NR5A2: variants seen among roughly 807,000 people sequenced by gnomAD.
NR5A2 encodes the protein CYP7A promoter-binding factor.
In NR5A2, 26 loss-of-function variants were observed where a neutral mutation model predicts 62.7. That is an observed-to-expected ratio of 0.41 (90% CI 0.30 to 0.58). NR5A2 has a LOEUF of 0.58. Ranked by LOEUF, NR5A2 falls within the 20% of genes least tolerant of loss-of-function variation. The pLI is 0.22. For missense variants in NR5A2, 541 were observed against 669.1 expected (o/e 0.81, Z 2.11); for synonymous variants, 246 against 241.7 (o/e 1.02, Z -0.16).
intron 5 of NR5A2, among the ~76,000 whole-genome samples, chr1:200,103,764 C>T (rs1233517100): frequency 1.3e-5 from 2 of 152,166 alleles, no homozygotes; most frequent in African/African-American, 2.4e-5. Flanking sequence ...AATCTATTCC[C>T]AGCATATACT....
chr1:200,162,540 G>T (rs1341321872), intron 7 of NR5A2, among the ~76,000 whole-genome samples: 1 of 152,112 alleles, frequency 6.6e-6, no homozygotes, highest in Non-Finnish European at 1.5e-5. Context: ...GGACATAATT[G>T]GATTCACATT....
At chr1:200,142,351 C>T (rs1186295156) in intron 7 of NR5A2, among the ~76,000 whole-genome samples, 1 of 151,570 alleles carries the variant, frequency 6.6e-6, no homozygotes, top group Non-Finnish European at 1.5e-5. Flanking sequence ...AGGTGCCTGC[C>T]ACCACGCCCG....
intron 5 of NR5A2, among the ~76,000 whole-genome samples, chr1:200,077,588 C>T (rs1664099166): frequency 6.6e-6 from 1 of 152,106 alleles, no homozygotes; most frequent in Admixed American, 6.5e-5. Flanking sequence ...GTGGTGGGTG[C>T]CTGTAATCCC....
chr1:200,088,353 G>A (rs538821310), intron 5 of NR5A2, among the ~76,000 whole-genome samples: 3 of 152,202 alleles, frequency 2.0e-5, no homozygotes, highest in African/African-American at 7.2e-5. Context: ...CACCTCCCGG[G>A]TTCAAGTGAT....
intron 7 of NR5A2, among the ~76,000 whole-genome samples, chr1:200,126,030 T>C (rs1233534536): frequency 6.6e-6 from 1 of 152,118 alleles, no homozygotes; most frequent in Non-Finnish European, 1.5e-5. Context: ...AATTTTTTTA[T>C]AGAGACAGGG....
At chr1:200,054,895 A>G (rs1287959517) in intron 5 of NR5A2, among the ~76,000 whole-genome samples, 1 of 151,732 alleles carries the variant, frequency 6.6e-6, no homozygotes, top group African/African-American at 2.4e-5. Context: ...AAATTTACTT[A>G]GTCCTACTTT....
intron 5 of NR5A2, among the ~76,000 whole-genome samples, chr1:200,074,620 C>A (rs1203391651): frequency 6.6e-6 from 1 of 150,404 alleles, no homozygotes; most frequent in Admixed American, 6.6e-5. Context: ...GCCTGTAGTC[C>A]CAGCTACTCG....
chr1:200,029,673 T>G (rs568125548), intron 1 of NR5A2: 1 of 152,334 alleles, frequency 6.6e-6, no homozygotes, highest in Admixed American at 6.5e-5. Context: ...CCTAAACCTG[T>G]GCAGGCACTT....
intron 7 of NR5A2, among the ~76,000 whole-genome samples, chr1:200,169,159 C>T (rs1365212942): frequency 1.3e-5 from 2 of 151,890 alleles, no homozygotes; most frequent in Non-Finnish European, 2.9e-5. Flanking sequence ...CAGTGAGCTA[C>T]GATGTCACCA....
At chr1:200,168,498 T>C (rs1450224485) in intron 7 of NR5A2, among the ~76,000 whole-genome samples, 3 of 152,224 alleles carry the variant, frequency 2.0e-5, no homozygotes, top group Non-Finnish European at 4.4e-5. Flanking sequence ...GGCAGCATTT[T>C]CTTATTATTA....
At chr1:200,162,685 TAGAA>T (rs751693061) in intron 7 of NR5A2, among the ~76,000 whole-genome samples, 6 of 152,044 alleles carry the variant, frequency 3.9e-5, no homozygotes, top group Non-Finnish European at 7.4e-5. Context: ...AAGACGCAAT[TAGAA>T]AGCAGAGGCA....
chr1:200,171,580 C>A (rs944139183), intron 7 of NR5A2, among the ~76,000 whole-genome samples: 3 of 152,126 alleles, frequency 2.0e-5, no homozygotes, highest in African/African-American at 7.2e-5. Flanking sequence ...GAAACCCCAT[C>A]TCTACTAAAA....
Position 200,173,954 on chromosome 1 carries a change from T to TTA in NR5A2, c.1379-8_1379-7dup. On this transcript the variant is annotated splice_polypyrimidine_tract_variant and intron_variant, in intron 7 of 7. Coordinates refer to ENST00000367362, the MANE Select transcript of NR5A2 (RefSeq NM_205860.3). ...AATGTTGCTTTTTTTTTTTTTTTTT[T>TTA]TAATGCAGATGTCAAAAACCTTGAA... 1 of 1,377,004 alleles carries TTA rather than the reference T, an allele frequency of 7.3e-7. No individual in the cohort carries two copies. Among genetic ancestry groups the TTA allele is most frequent in the Non-Finnish European group, 9.5e-7 (1 of 1,056,548 alleles). 85.3% of individuals were successfully genotyped at this position (1,377,004 alleles called of 1,614,324 possible). A position where few individuals can be genotyped will look rare whatever the true frequency, so the allele number is the denominator to read the frequency against.
At chr1:200,103,498 A>G (rs886395131) in intron 5 of NR5A2, among the ~76,000 whole-genome samples, 2 of 152,220 alleles carry the variant, frequency 1.3e-5, no homozygotes, top group African/African-American at 4.8e-5. Context: ...GTAACAAGTC[A>G]TAAGAAAGAT....
At position 200,130,324 on chromosome 1, in the gene NR5A2, A is replaced by AAG. The variant is rs1558157085; in HGVS notation, c.1378+9370_1378+9371insGA. ...AGAAGAAGAAGAAGAAGAAGAAGAA[A>AAG]AAAAAAATCCAACAGAGAAATTTGA... On this transcript the variant is annotated intron_variant, in intron 7 of 7. Coordinates refer to ENST00000367362, the MANE Select transcript of NR5A2 (RefSeq NM_205860.3). Among the ~76,000 whole-genome samples, 18 of 145,130 alleles carry AAG rather than the reference A, an allele frequency of 1.2e-4. 1 individual carries two copies. The Middle Eastern group carries it at 0.018, about 145-fold the overall frequency.
intron 6 of NR5A2, among the ~76,000 whole-genome samples, chr1:200,115,397 G>A (rs1666169972): frequency 6.6e-6 from 1 of 152,142 alleles, no homozygotes; most frequent in African/African-American, 2.4e-5. Flanking sequence ...TGCTAGAAGT[G>A]TGTTTCCATG....
chr1:200,168,105 A>G (rs1375876411), intron 7 of NR5A2, among the ~76,000 whole-genome samples: 1 of 152,226 alleles, frequency 6.6e-6, no homozygotes, highest in African/African-American at 2.4e-5. Flanking sequence ...GGTATGAAAT[A>G]ATAAATAAAG....
At position 200,048,760 on chromosome 1, in the gene NR5A2, A is replaced by T. The variant is rs774872040; in HGVS notation, c.1052A>T (p.Gln351Leu). The T allele has an allele frequency of 3.1e-6, 5 of 1,614,226 alleles. No individual in the cohort carries two copies. In the East Asian group the frequency reaches 1.1e-4, roughly 36 times the overall value. ...GGGCTTATGTGCAAAATGGCAGATC[A>T]AACTCTCTTCTCCATTGTCGAGTGG... ...TFGLMCKMAD[Q>L]TLFSIVEWAR... Residue 351 changes from glutamine (Q) to leucine (L), a missense_variant, in exon 5 of 8, where the codon CAA becomes CTA. Physicochemically the swap from Gln to Leu is moderately radical, Grantham distance 113. Coordinates refer to ENST00000367362, the MANE Select transcript of NR5A2 (RefSeq NM_205860.3). This position sits in a 1 kb window ranked among gnomAD's most constrained non-coding sequence, Gnocchi z 4.8.
chr1:200,041,642 A>G (rs1662088418), intron 2 of NR5A2, among the ~76,000 whole-genome samples: 1 of 152,136 alleles, frequency 6.6e-6, no homozygotes, highest in Non-Finnish European at 1.5e-5. Flanking sequence ...CTAGACCGAA[A>G]CTGGGGAAGA....
Sources: allele counts gnomAD v4.1 joint callset (sites outside exome capture counted in the v4.1 genomes callset), GRCh38; gene constraint gnomAD v4.1.1; non-coding constraint Gnocchi (gnomAD v3.1); transcripts MANE v1.5; gene names NCBI Gene and HGNC (gene_info 2026-07-23, HGNC 2026-07-21).